CCBE1: variants seen among roughly 807,000 people sequenced by gnomAD.
CCBE1 encodes the protein collagen and calcium-binding EGF domain-containing protein 1.
In CCBE1, 37 loss-of-function variants were observed where a neutral mutation model predicts 50.0. The ratio of observed to expected loss-of-function variants is 0.74; its 90% CI spans 0.57 to 0.97. CCBE1 has a LOEUF of 0.97. Ranked by LOEUF, CCBE1 falls within the 50% of genes least tolerant of loss-of-function variation. The pLI is 0.00. For synonymous variants in CCBE1, 234 were observed against 203.7 expected, an observed-to-expected ratio of 1.15 and a Z score of -1.27; for missense variants, 538 against 523.8, an observed-to-expected ratio of 1.03 and a Z score of -0.26.
At chr18:59,526,186 G>T (rs925552955) in intron 2 of CCBE1, among the ~76,000 whole-genome samples, 2 of 151,894 alleles carry the variant, frequency 1.3e-5, no homozygotes, top group Non-Finnish European at 1.5e-5. Flanking sequence ...AGGGTTTTTC[G>T]TGTATCTATC....
At chr18:59,662,262 C>T (rs554425612) in intron 2 of CCBE1, among the ~76,000 whole-genome samples, 8 of 152,322 alleles carry the variant, frequency 5.3e-5, no homozygotes, top group Admixed American at 2.6e-4. Context: ...CAGCTGGGAA[C>T]GTGCATAGTG....
Position 59,505,136 on chromosome 18 carries a change from A to G in CCBE1, c.213-24898T>C, listed in dbSNP as rs78178030. On this transcript the variant is annotated intron_variant, in intron 2 of 10. Transcript: ENST00000439986. ...TTTGATAAAAATGATAAATATCTTG[A>G]TAACATTTGAAAGCTCCCCAGTGGG... Among the ~76,000 whole-genome samples the G allele has an allele frequency of 2.6e-3, 391 of 152,332 alleles. 4 individuals carry two copies. The highest frequency in any genetic ancestry group is 4.1e-3 in the Non-Finnish European group (276 of 68,034).
intron 2 of CCBE1, among the ~76,000 whole-genome samples, chr18:59,617,576 T>A (rs1459784709): frequency 6.6e-6 from 1 of 152,202 alleles, no homozygotes; most frequent in Non-Finnish European, 1.5e-5. Flanking sequence ...GGAGCTTGGA[T>A]GAAAGCCAGA....
intron 2 of CCBE1, among the ~76,000 whole-genome samples, chr18:59,671,723 G>A (rs1476525995): frequency 6.7e-6 from 1 of 150,080 alleles, no homozygotes; most frequent in Non-Finnish European, 1.5e-5. Flanking sequence ...GGTGATACAA[G>A]CCTGAATACA....
chr18:59,652,179 T>C (rs1284175609), intron 2 of CCBE1, among the ~76,000 whole-genome samples: 1 of 152,246 alleles, frequency 6.6e-6, no homozygotes, highest in Non-Finnish European at 1.5e-5. Flanking sequence ...TCCAAGTTAC[T>C]GCAAATGGCA....
At chr18:59,616,980 G>A (rs145755876) in intron 2 of CCBE1, among the ~76,000 whole-genome samples, 9 of 152,114 alleles carry the variant, frequency 5.9e-5, no homozygotes, top group African/African-American at 1.4e-4. Flanking sequence ...ATGAGCCACC[G>A]ACTCTCAGCC....
intron 2 of CCBE1, among the ~76,000 whole-genome samples, chr18:59,496,950 G>T (rs1163670285): frequency 6.6e-6 from 1 of 152,180 alleles, no homozygotes; most frequent in East Asian, 1.9e-4. Context: ...TCTACCACTT[G>T]CTCATTTTGA....
At position 59,460,273 on chromosome 18, in the gene CCBE1, A is replaced by G. The variant is rs542893314; in HGVS notation, c.554-5322T>C. On this transcript the variant is annotated intron_variant, in intron 5 of 10. Coordinates refer to ENST00000439986, the MANE Select transcript of CCBE1 (RefSeq NM_133459.4). ...CTCCTGGATTCCTAACAACCAGCTG[A>G]GGTTGTGTTTGATTTCAAATTCCTC... Among the ~76,000 whole-genome samples the G allele has an allele frequency of 1.2e-4, 18 of 152,290 alleles. No homozygotes were observed. The East Asian group carries it at 3.5e-3, about 29-fold the overall frequency.
intron 2 of CCBE1, among the ~76,000 whole-genome samples, chr18:59,484,927 C>T (rs1336899827): frequency 1.3e-5 from 2 of 152,182 alleles, no homozygotes; most frequent in Non-Finnish European, 2.9e-5. Context: ...TTACTTACAA[C>T]ATTATTTACG....
chr18:59,521,102 C>A (rs1914579700), intron 2 of CCBE1, among the ~76,000 whole-genome samples: 1 of 152,214 alleles, frequency 6.6e-6, no homozygotes, highest in South Asian at 2.1e-4. Context: ...AATCATTAAC[C>A]CTCACTGCCA....
In CCBE1 at chr18:59,433,073, C is replaced by A. The variant is rs1026692114; in HGVS notation, c.*2835G>T. The A allele has an allele frequency of 2.0e-5, 3 of 151,850 alleles. No homozygotes were observed. Among genetic ancestry groups the A allele is most frequent in the African/African-American group, 7.3e-5 (3 of 41,324 alleles). 9.4% of individuals were successfully genotyped at this position (151,850 alleles called of 1,614,324 possible). A position where few individuals can be genotyped will look rare whatever the true frequency, so the allele number is the denominator to read the frequency against. Reference sequence around the variant, plus strand: ...CTGTTCAGTTCCTCTCTCTATAAACCCGTGGTTGGTGTGGCCCTCTGTCAT... The same window carrying A: ...CTGTTCAGTTCCTCTCTCTATAAACACGTGGTTGGTGTGGCCCTCTGTCAT... On this transcript the variant is annotated 3_prime_UTR_variant, in exon 11 of 11. Transcript: ENST00000439986.
chr18:59,678,798 G>A (rs1456810700), intron 2 of CCBE1, among the ~76,000 whole-genome samples: 1 of 152,132 alleles, frequency 6.6e-6, no homozygotes, highest in Non-Finnish European at 1.5e-5. Flanking sequence ...CTCCCAAAGT[G>A]CTGAGGTTAC....
chr18:59,498,945 T>C (rs1235523167), intron 2 of CCBE1, among the ~76,000 whole-genome samples: 2 of 152,234 alleles, frequency 1.3e-5, no homozygotes, highest in African/African-American at 4.8e-5. Context: ...TCTCGGAATT[T>C]GGAGAGAACA....
chr18:59,510,886 T>G (rs555202455), intron 2 of CCBE1, among the ~76,000 whole-genome samples: 21 of 152,386 alleles, frequency 1.4e-4, no homozygotes, highest in African/African-American at 4.8e-4. Flanking sequence ...CTGATTCTCC[T>G]GAATCTCTCT....
chr18:59,674,509 A>G (rs938971511), intron 2 of CCBE1, among the ~76,000 whole-genome samples: 2 of 152,210 alleles, frequency 1.3e-5, no homozygotes, highest in East Asian at 3.8e-4. Context: ...TAGGAAAAAT[A>G]CCTAACGTAG....
chr18:59,697,015 A>G (rs1361902340), intron 1 of CCBE1, among the ~76,000 whole-genome samples, 197 bp downstream of exon 1: 1 of 152,198 alleles, frequency 6.6e-6, no homozygotes, highest in Non-Finnish European at 1.5e-5. Flanking sequence ...CGACCCACGG[A>G]TGGCAGGGCG....
intron 2 of CCBE1, among the ~76,000 whole-genome samples, chr18:59,492,650 G>A (rs192050875): frequency 1.6e-4 from 24 of 152,244 alleles, no homozygotes; most frequent in East Asian, 1.3e-3. Context: ...ACCTGTATCC[G>A]TGACACCACT....
At chr18:59,508,142 C>T (rs963811692) in intron 2 of CCBE1, among the ~76,000 whole-genome samples, 9 of 151,878 alleles carry the variant, frequency 5.9e-5, no homozygotes, top group African/African-American at 1.2e-4. Context: ...CCGCCCGCCT[C>T]GGCCTCCCAA....
chr18:59,611,734 CA>C (rs2053571189), intron 2 of CCBE1, among the ~76,000 whole-genome samples: 1 of 151,710 alleles, frequency 6.6e-6, no homozygotes, highest in African/African-American at 2.4e-5. Flanking sequence ...CAACAGAGTG[CA>C]ACTCTGTCTT....
Sources: allele counts gnomAD v4.1 joint callset (sites outside exome capture counted in the v4.1 genomes callset), GRCh38; gene constraint gnomAD v4.1.1; transcripts MANE v1.5; gene names NCBI Gene and HGNC (gene_info 2026-07-23, HGNC 2026-07-21).